NALF1: variants seen among roughly 807,000 people sequenced by gnomAD.
NALF1 encodes the protein family with sequence similarity 155 member A.
A neutral mutation model predicts 48.4 loss-of-function variants in NALF1; 3 were observed. That is an observed-to-expected ratio of 0.06 (90% CI 0.03 to 0.16). The LOEUF (loss-of-function observed/expected upper bound fraction) is 0.16, where lower values mean the gene tolerates loss of function less well. NALF1 is among the 10% of genes least tolerant of loss of function. The pLI is 1.00. For missense variants in NALF1, 526 were observed against 571.5 expected, an observed-to-expected ratio of 0.92 and a Z score of 0.81; for synonymous variants, 262 against 245.7, an observed-to-expected ratio of 1.07 and a Z score of -0.62.
intron 1 of NALF1, among the ~76,000 whole-genome samples, chr13:107,456,844 A>T (rs1229376899): frequency 1.3e-5 from 2 of 152,220 alleles, no homozygotes; most frequent in African/African-American, 4.8e-5. Flanking sequence ...AAGAGTTGAT[A>T]AAGGTGAATC....
At chr13:107,479,239 T>C (rs904133291) in intron 1 of NALF1, among the ~76,000 whole-genome samples, 1 of 152,162 alleles carries the variant, frequency 6.6e-6, no homozygotes, top group Non-Finnish European at 1.5e-5. Context: ...AACATCTGCA[T>C]TGGCAGTGCA....
chr13:107,293,631 C>G (rs950641750), intron 1 of NALF1, among the ~76,000 whole-genome samples: 1 of 152,108 alleles, frequency 6.6e-6, no homozygotes, highest in Non-Finnish European at 1.5e-5. Context: ...CTTGAACTGG[C>G]CATTTCATAG....
rs550614425 is a variant in NALF1, at chr13:107,734,118, T to C, written c.915+131564A>G. ...CACTACGGTGTTATGACGGCTATGA[T>C]GTCACCAAGAATAGGAATTTTTAGC... On this transcript the variant is annotated intron_variant, in intron 1 of 2. Coordinates refer to ENST00000375915, the MANE Select transcript of NALF1 (RefSeq NM_001080396.3). Among the ~76,000 whole-genome samples, 22 of 152,218 alleles carry C rather than the reference T, an allele frequency of 1.4e-4. No homozygotes were observed. In the South Asian group the frequency reaches 4.4e-3, roughly 30 times the overall value.
intron 1 of NALF1, among the ~76,000 whole-genome samples, chr13:107,238,562 C>T (rs547416383): frequency 5.9e-5 from 9 of 152,232 alleles, no homozygotes; most frequent in East Asian, 5.8e-4. Context: ...GGAGCACATG[C>T]GGCCAGGACA....
At chr13:107,196,063 T>C (rs1232013633) in intron 2 of NALF1, among the ~76,000 whole-genome samples, 2 of 152,072 alleles carry the variant, frequency 1.3e-5, no homozygotes, top group African/African-American at 2.4e-5. Context: ...GAAAACCAAA[T>C]ACTGCATGTT....
intron 1 of NALF1, among the ~76,000 whole-genome samples, chr13:107,710,186 AAG>A: frequency 6.6e-6 from 1 of 152,224 alleles, no homozygotes; most frequent in Admixed American, 6.5e-5. Flanking sequence ...AAAAGAAAGA[AAG>A]AAAAGAAAGG....
intron 1 of NALF1, among the ~76,000 whole-genome samples, chr13:107,786,442 A>G (rs1421418657): frequency 7.9e-6 from 1 of 127,302 alleles, no homozygotes; most frequent in Non-Finnish European, 1.7e-5. Flanking sequence ...AAAAAAAAAA[A>G]GCCGGGCGCG....
chr13:107,860,171 T>C (rs9555421), intron 1 of NALF1, among the ~76,000 whole-genome samples: 9,196 of 152,156 alleles, frequency 0.06, 378 homozygotes, highest in East Asian at 0.12. Flanking sequence ...TCCATCTCCT[T>C]CTCTCCATGA....
chr13:107,448,518 G>A (rs1483813496), intron 1 of NALF1, among the ~76,000 whole-genome samples: 1 of 152,252 alleles, frequency 6.6e-6, no homozygotes, highest in South Asian at 2.1e-4. Flanking sequence ...ATATTTACAT[G>A]GAAGTTTTGG....
intron 1 of NALF1, among the ~76,000 whole-genome samples, chr13:107,275,146 T>C (rs1294513754): frequency 6.6e-6 from 1 of 152,218 alleles, no homozygotes; most frequent in Non-Finnish European, 1.5e-5. Context: ...GCCTTCAAAA[T>C]AGCCAGTGTC....
intron 1 of NALF1, among the ~76,000 whole-genome samples, chr13:107,695,898 CT>C (rs10642452): frequency 8.9e-5 from 13 of 146,326 alleles, no homozygotes; most frequent in East Asian, 6.0e-4. Context: ...CATCTATATT[CT>C]TTTTTTTTTT....
chr13:107,189,850 A>G (rs1879246097), intron 2 of NALF1, among the ~76,000 whole-genome samples: 1 of 152,218 alleles, frequency 6.6e-6, no homozygotes, highest in Non-Finnish European at 1.5e-5. Context: ...TAAGTGTTCC[A>G]CATGAATTTA....
intron 1 of NALF1, among the ~76,000 whole-genome samples, chr13:107,772,499 C>G (rs950366381): frequency 3.3e-5 from 5 of 151,794 alleles, no homozygotes; most frequent in Non-Finnish European, 5.9e-5. Context: ...GAGATAAGTT[C>G]AATGTAAAAC....
At chr13:107,568,497 T>G (rs1021659866) in intron 1 of NALF1, among the ~76,000 whole-genome samples, 4 of 152,230 alleles carry the variant, frequency 2.6e-5, no homozygotes, top group African/African-American at 9.6e-5. Context: ...GTATGGTATG[T>G]CCATTTTTAG....
Position 107,198,551 on chromosome 13 carries a change from C to A in NALF1, c.1087+12033G>T, listed in dbSNP as rs543509151. Among the ~76,000 whole-genome samples the A allele has an allele frequency of 1.2e-4, 18 of 152,314 alleles. 1 individual carries two copies. In the East Asian group the frequency reaches 3.1e-3, roughly 26 times the overall value. The stretch of plus-strand genomic sequence containing the variant: ...GAACTTCTGAAGCATGCAGAATTCG[C>A]CTTCATACAAGAGTTGGAATTTGTT... On this transcript the variant is annotated intron_variant, in intron 2 of 2. Transcript: ENST00000375915.
At chr13:107,585,628 T>C (rs554178767) in intron 1 of NALF1, among the ~76,000 whole-genome samples, 7 of 152,286 alleles carry the variant, frequency 4.6e-5, no homozygotes, top group South Asian at 2.1e-4. Flanking sequence ...GGCTCCACTA[T>C]GGGAAATTAC....
At chr13:107,614,629 C>CAAAA (rs1195904653) in intron 1 of NALF1, among the ~76,000 whole-genome samples, 1 of 152,124 alleles carries the variant, frequency 6.6e-6, no homozygotes, top group African/African-American at 2.4e-5. Flanking sequence ...AATATACCAA[C>CAAAA]TATTCTCTGG....
At chr13:107,585,564 A>G (rs1878432694) in intron 1 of NALF1, among the ~76,000 whole-genome samples, 2 of 152,158 alleles carry the variant, frequency 1.3e-5, no homozygotes, top group Non-Finnish European at 1.5e-5. Flanking sequence ...CAAAATTCCA[A>G]TGATGATGTT....
At position 107,866,233 on chromosome 13, in the gene NALF1, G is replaced by A. The variant is rs1234546217; in HGVS notation, c.364C>T (p.Leu122Phe). 2.5e-6 allele frequency: 4 copies of A among 1,595,208 alleles called. No individual in the cohort carries two copies. The highest frequency in any genetic ancestry group is 1.7e-5 in the Admixed American group (1 of 58,522). Residue 122 changes from leucine (L) to phenylalanine (F), a missense_variant, in exon 1 of 3, where the codon CTC becomes TTC. Leu to Phe is a conservative substitution (Grantham distance 22). Transcript: ENST00000375915. The surrounding 1 kb of genome is among the most constrained non-coding windows in gnomAD (Gnocchi z 4.4). ...ESSPAAQAHR[L>F]LSASSSPTLP... Reference sequence around the variant, plus strand: ...GTGGGGGACGAGGAGGCGGAGAGGAGTCTGTGTGCCTGGGCGGCGGGCGAG... The same window carrying A: ...GTGGGGGACGAGGAGGCGGAGAGGAATCTGTGTGCCTGGGCGGCGGGCGAG...
Sources: allele counts gnomAD v4.1 joint callset (sites outside exome capture counted in the v4.1 genomes callset), GRCh38; gene constraint gnomAD v4.1.1; non-coding constraint Gnocchi (gnomAD v3.1); transcripts MANE v1.5; gene names NCBI Gene and HGNC (gene_info 2026-07-23, HGNC 2026-07-21).